The following BBOF1 variants were observed in gnomAD, a reference collection of about 807,000 sequenced individuals.
BBOF1 encodes the protein basal body-orientation factor 1.
BBOF1 carries 62 observed loss-of-function variants against 68.0 expected under a neutral mutation model. The ratio of observed to expected loss-of-function variants is 0.91; its 90% CI spans 0.74 to 1.13. BBOF1 has a LOEUF of 1.13. BBOF1 is among the 50% of genes most tolerant of loss of function. The probability of loss-of-function intolerance (pLI) is 0.00; values close to 1 mark genes in which losing one functional copy is unlikely to be tolerated. For missense variants in BBOF1, 534 were observed against 600.1 expected (o/e 0.89, Z 1.15); for synonymous variants, 208 against 198.8 (o/e 1.05, Z -0.39).
intron 5 of BBOF1, chr14:74,040,937 A>G: frequency 2.6e-6 from 1 of 379,842 alleles, no homozygotes; most frequent in Non-Finnish European, 4.6e-6. Flanking sequence ...TACTCCCATT[A>G]TATAGGGAAG....
At chr14:74,050,253 A>T in intron 8 of BBOF1, 58 bp downstream of exon 8, 1 of 1,499,504 alleles carries the variant, frequency 6.7e-7, no homozygotes, top group Non-Finnish European at 8.9e-7. Flanking sequence ...CTTTACAGAA[A>T]GAGGAAGTCT....
intron 10 of BBOF1, among the ~76,000 whole-genome samples, chr14:74,080,437 A>G (rs2060659321): frequency 1.4e-5 from 2 of 145,456 alleles, no homozygotes; most frequent in East Asian, 2.0e-4. Context: ...GCACAACCAC[A>G]GCTCACTGTA....
chr14:74,022,376 C>A (rs1958504029), intron 1 of BBOF1, among the ~76,000 whole-genome samples: 1 of 152,078 alleles, frequency 6.6e-6, no homozygotes, highest in African/African-American at 2.4e-5. Flanking sequence ...GGCAAAAACT[C>A]ATTTCTACAA....
In BBOF1 at chr14:74,034,047, A is replaced by G; in HGVS notation, c.371A>G (p.Gln124Arg). 1 of 1,599,604 alleles carries G rather than the reference A, an allele frequency of 6.3e-7. No homozygotes were observed. The highest frequency in any genetic ancestry group is 8.5e-7 in the Non-Finnish European group (1 of 1,174,770). ...KDKLEQKYTR[Q>R]INELEGQFHQ... ...ATACAGGAACAAAAGTATACCAGGC[A>G]AATTAATGAACTAGAGGGACAGTTC... Residue 124 changes from glutamine to arginine, a missense_variant, in exon 4 of 12, where the codon CAA (glutamine) becomes CGA (arginine). Coordinates refer to ENST00000394009, the MANE Select transcript of BBOF1 (RefSeq NM_025057.3).
In BBOF1 at chr14:74,019,511, C is replaced by G. The variant is rs2140916784; in HGVS notation, c.33C>G (p.Gly11=). The G allele has an allele frequency of 6.2e-7, 1 of 1,604,796 alleles. No individual in the cohort carries two copies. The highest frequency in any genetic ancestry group is 2.3e-5 in the East Asian group (1 of 44,364). The stretch of plus-strand genomic sequence containing the variant: ...CGAAGGGAAAGGACAAAAAGAAAGG[C>G]AAGAGCAAAGGCAAAGACACGAAGT... MPSKGKDKKK[G]KSKGKDTKKL... The change falls in exon 1 of 12, where the codon GGC becomes GGG. Residue 11 remains glycine, a synonymous_variant. Coordinates refer to ENST00000394009, the MANE Select transcript of BBOF1 (RefSeq NM_025057.3).
rs956100272 is a variant in BBOF1, at chr14:74,072,115, A to G, written n.1380-6081A>G. 1.5e-5 allele frequency: 24 copies of G among 1,590,908 alleles called. 1 individual carries two copies. The Middle Eastern group carries it at 1.8e-3, about 121-fold the overall frequency. On this transcript the variant is annotated intron_variant and non_coding_transcript_variant, in intron 9 of 12. Transcript: ENST00000492026. ...TCAACGTCTCTGCATACTGCAGAGT[A>G]AGGGAGGGTGGCTGAAAAGGTCTCT...
At chr14:74,028,512 A>AC (rs1491423768) in intron 2 of BBOF1, among the ~76,000 whole-genome samples, 7 of 122,870 alleles carry the variant, frequency 5.7e-5, no homozygotes, top group African/African-American at 1.2e-4. Context: ...ACACACACAC[A>AC]AATAGAGGGA....
intron 5 of BBOF1, among the ~76,000 whole-genome samples, chr14:74,045,680 T>A (rs1053541238): frequency 1.3e-5 from 2 of 152,148 alleles, no homozygotes; most frequent in African/African-American, 4.8e-5. Context: ...AAAAAAGAGA[T>A]CAAGATTAGG....
intron 5 of BBOF1, among the ~76,000 whole-genome samples, chr14:74,042,875 CACAG>C (rs1418088220): frequency 5.6e-5 from 6 of 106,650 alleles, no homozygotes; most frequent in African/African-American, 2.8e-4. Context: ...CACACACACA[CACAG>C]ACACACACAC....
At position 74,060,265 on chromosome 14, in the gene BBOF1, G is replaced by T. The variant is rs886050729; in HGVS notation, c.1578+3007G>T. 7.2e-5 allele frequency: 15 copies of T among 208,986 alleles called. No individual in the cohort carries two copies. The highest frequency in any genetic ancestry group is 1.6e-4 in the South Asian group (2 of 12,168). The allele number at this position is 208,986 out of a possible 1,614,324, so 12.9% of individuals were successfully genotyped here. A position where few individuals can be genotyped will look rare whatever the true frequency, so the allele number is the denominator to read the frequency against. ...TCTGCCCACTGTGGCCTCCCAAAAT[G>T]ATGGAATTACAGGCGTGAGCCACCG... is the stretch of plus-strand genomic sequence containing the variant. On this transcript the variant is annotated intron_variant, in intron 11 of 11. Transcript: ENST00000394009.
rs1314543982 is a variant in BBOF1, at chr14:74,074,647, A to G, written n.1380-3549A>G. ...ACTTCTGTGTAGAAAGAATTTGAGC[A>G]ATAGTCCTTATTTATTAGATTTTAG... On this transcript the variant is annotated intron_variant and non_coding_transcript_variant, in intron 9 of 12. Transcript: ENST00000492026. Among the ~76,000 whole-genome samples the G allele has an allele frequency of 2.6e-5, 4 of 152,246 alleles. No individual in the cohort carries two copies. The East Asian group carries it at 7.7e-4, about 29-fold the overall frequency.
chr14:74,033,642 C>T (rs1051136494), intron 3 of BBOF1, among the ~76,000 whole-genome samples: 1 of 151,586 alleles, frequency 6.6e-6, no homozygotes, highest in Non-Finnish European at 1.5e-5. Context: ...TTTGGGAGGC[C>T]GAGGTGAGTG....
chr14:74,068,729 G>C (rs2060507153), downstream of BBOF1: 1 of 1,081,772 alleles, frequency 9.2e-7, no homozygotes, highest in African/African-American at 1.6e-5. Flanking sequence ...GTGACAGAGA[G>C]ACTCTGTCTC....
intron 9 of BBOF1, among the ~76,000 whole-genome samples, chr14:74,076,050 C>T (rs577256320): frequency 1.3e-5 from 2 of 152,132 alleles, no homozygotes; most frequent in Non-Finnish European, 2.9e-5. Context: ...GAAAGCAGAA[C>T]AGTGGTTACC....
intron 2 of BBOF1, among the ~76,000 whole-genome samples, chr14:74,027,836 C>T (rs2059469501): frequency 6.6e-6 from 1 of 151,922 alleles, no homozygotes; most frequent in African/African-American, 2.4e-5. Context: ...AAACAAAGAC[C>T]AAGAAACTGT....
chr14:74,026,110 A>T (rs1026215559), intron 2 of BBOF1, among the ~76,000 whole-genome samples: 7 of 147,146 alleles, frequency 4.8e-5, no homozygotes, highest in Admixed American at 1.4e-4. Flanking sequence ...CACTGCAGTC[A>T]AGCCTGGGCA....
In BBOF1 at chr14:74,047,919, A is replaced by T. The variant is rs202187879; in HGVS notation, c.648-11A>T. 4 of 1,588,734 alleles carry T rather than the reference A, an allele frequency of 2.5e-6. No individual in the cohort carries two copies. The highest frequency in any genetic ancestry group is 3.4e-6 in the Non-Finnish European group (4 of 1,170,912). On this transcript the variant is annotated splice_polypyrimidine_tract_variant and intron_variant, in intron 6 of 11. Coordinates refer to ENST00000394009, the MANE Select transcript of BBOF1 (RefSeq NM_025057.3). ...TTAGACCTGTGTTTTGAGATCTTATATCTATTTCAGGCAATTGAACGATGC... is the reference window on the plus strand; with the variant it reads ...TTAGACCTGTGTTTTGAGATCTTATTTCTATTTCAGGCAATTGAACGATGC...
Position 74,023,059 on chromosome 14 carries a change from T to TA in BBOF1, c.203dup (p.Lys69GlufsTer5). On this transcript the variant is annotated frameshift_variant, in exon 2 of 12. Transcript: ENST00000394009. LOFTEE classifies it high-confidence loss of function. Reference sequence around the variant, plus strand: ...ATACTGGCAAAAAGTAATGAGGACTTAAAGAAAAAGCAATGTAAAATGGAG... The same window carrying TA: ...ATACTGGCAAAAAGTAATGAGGACTTAAAAGAAAAAGCAATGTAAAATGGAG... 1 of 1,608,224 alleles carries TA rather than the reference T, an allele frequency of 6.2e-7. No individual in the cohort carries two copies. Among genetic ancestry groups the TA allele is most frequent in the Non-Finnish European group, 8.5e-7 (1 of 1,177,188 alleles).
chr14:74,071,126 C>T, intron 9 of BBOF1: 1 of 1,419,410 alleles, frequency 7.0e-7, no homozygotes, highest in Non-Finnish European at 1.0e-6. Flanking sequence ...CCTAAAACAT[C>T]CAACCATCAC....
Sources: gnomAD v4.1 joint callset for allele counts (sites outside exome capture counted in the v4.1 genomes callset) on GRCh38, gnomAD v4.1.1 for gene constraint, MANE v1.5 for transcripts, NCBI Gene and HGNC (gene_info 2026-07-23, HGNC 2026-07-21) for gene names.